The following EEFSEC variants were observed in gnomAD, a reference collection of about 807,000 sequenced individuals.
EEFSEC encodes eukaryotic elongation factor, selenocysteine-tRNA specific.
In EEFSEC, 43 loss-of-function variants were observed where a neutral mutation model predicts 42.1. The ratio of observed to expected loss-of-function variants is 1.02; its 90% CI spans 0.80 to 1.32. The LOEUF is 1.32. Ranked by LOEUF, EEFSEC falls within the 40% of genes most tolerant of loss-of-function variation. The pLI is 0.00. For missense variants in EEFSEC, 745 were observed against 803.6 expected, an observed-to-expected ratio of 0.93 and a Z score of 0.88; for synonymous variants, 354 against 339.1, an observed-to-expected ratio of 1.04 and a Z score of -0.48.
chr3:128,182,396 T>C (rs79243177), intron 1 of EEFSEC, among the ~76,000 whole-genome samples: 1,680 of 152,250 alleles, frequency 0.011, 12 homozygotes, highest in Middle Eastern at 0.051. Context: ...AGGTTATATA[T>C]GTACATGATA....
intron 4 of EEFSEC, among the ~76,000 whole-genome samples, chr3:128,302,869 A>G (rs1576622008): frequency 6.6e-6 from 1 of 152,244 alleles, no homozygotes; most frequent in Non-Finnish European, 1.5e-5. Context: ...AATATTTCTC[A>G]GCATGTATAT....
At chr3:128,190,421 A>T (rs940135872) in intron 1 of EEFSEC, among the ~76,000 whole-genome samples, 2 of 152,356 alleles carry the variant, frequency 1.3e-5, no homozygotes, top group Non-Finnish European at 1.5e-5. Context: ...GTAAAAGAAA[A>T]AAGTTTTTAA....
chr3:128,394,535 A>G (rs982716132), intron 6 of EEFSEC, among the ~76,000 whole-genome samples: 4 of 152,198 alleles, frequency 2.6e-5, no homozygotes, highest in Non-Finnish European at 5.9e-5. Flanking sequence ...ATTGTCAATA[A>G]GCTCTACCTT....
intron 4 of EEFSEC, among the ~76,000 whole-genome samples, chr3:128,270,686 CTT>C (rs986210035): frequency 2.3e-4 from 35 of 152,264 alleles, no homozygotes; most frequent in African/African-American, 7.2e-4. Flanking sequence ...AGCCTGCAGT[CTT>C]GACTCTTCCA....
At chr3:128,277,487 T>C (rs1166862907) in intron 4 of EEFSEC, among the ~76,000 whole-genome samples, 1 of 152,208 alleles carries the variant, frequency 6.6e-6, no homozygotes. Flanking sequence ...TGTGTGCGTG[T>C]TTTAAAAGTA....
At chr3:128,223,992 AC>A (rs200342661) in intron 1 of EEFSEC, among the ~76,000 whole-genome samples, 1 of 148,690 alleles carries the variant, frequency 6.7e-6, no homozygotes, top group Non-Finnish European at 1.5e-5. Context: ...TAAAAAAAAA[AC>A]ATTTTCTATT....
At chr3:128,354,788 G>C (rs1027871558) in intron 5 of EEFSEC, among the ~76,000 whole-genome samples, 16 of 152,186 alleles carry the variant, frequency 1.1e-4, no homozygotes, top group Non-Finnish European at 2.4e-4. Context: ...GGGGGCAGGG[G>C]AGAAGATGCA....
chr3:128,221,017 T>A (rs2065856553), intron 1 of EEFSEC, among the ~76,000 whole-genome samples: 1 of 152,234 alleles, frequency 6.6e-6, no homozygotes, highest in African/African-American at 2.4e-5. Context: ...TCCATCAGTG[T>A]TTTGAGTGCT....
chr3:128,410,711 T>C (rs1426761306), downstream of EEFSEC, among the ~76,000 whole-genome samples: 1 of 152,008 alleles, frequency 6.6e-6, no homozygotes, highest in Non-Finnish European at 1.5e-5. Flanking sequence ...GACCCCACAT[T>C]ACCTGCGGCC....
intron 4 of EEFSEC, among the ~76,000 whole-genome samples, chr3:128,279,772 G>A (rs759330310): frequency 1.3e-5 from 2 of 152,128 alleles, no homozygotes; most frequent in South Asian, 2.1e-4. Context: ...TAAGTGGGAG[G>A]TGTGCAGCCT....
At chr3:128,312,444 C>T (rs2066899656) in intron 4 of EEFSEC, among the ~76,000 whole-genome samples, 1 of 152,378 alleles carries the variant, frequency 6.6e-6, no homozygotes, top group South Asian at 2.1e-4. Flanking sequence ...CGGGATCCCA[C>T]CGCCTTTGTG....
chr3:128,299,399 A>G (rs2066742460), intron 4 of EEFSEC, among the ~76,000 whole-genome samples: 2 of 152,122 alleles, frequency 1.3e-5, no homozygotes, highest in East Asian at 1.9e-4. Flanking sequence ...TCTTTTGCCC[A>G]TTATTCATCA....
chr3:128,291,164 A>G (rs76849912), intron 4 of EEFSEC, among the ~76,000 whole-genome samples: 1,961 of 151,904 alleles, frequency 0.013, 52 homozygotes, highest in African/African-American at 0.044. Context: ...TCCAGGCTAT[A>G]TATTTTATTA....
At chr3:128,396,311 CAGCT>C in intron 6 of EEFSEC, among the ~76,000 whole-genome samples, 1 of 152,172 alleles carries the variant, frequency 6.6e-6, no homozygotes, top group African/African-American at 2.4e-5. Flanking sequence ...TGGGCTTCTC[CAGCT>C]ACTGGCGAGG....
At chr3:128,355,819 GATAAGGTCAAAGGC>G (rs1354249877) in intron 5 of EEFSEC, among the ~76,000 whole-genome samples, 12 of 152,254 alleles carry the variant, frequency 7.9e-5, no homozygotes, top group African/African-American at 2.9e-4. Context: ...CAAGTAAACA[GATAAGGTCAAAGGC>G]ATAACGTCAG....
At chr3:128,367,613 G>A (rs2067605588) in intron 6 of EEFSEC, 2 of 984,680 alleles carry the variant, frequency 2.0e-6, no homozygotes, top group African/African-American at 3.5e-5. Context: ...CCGTGAGACT[G>A]CAACATTGCT....
chr3:128,249,678 A>T (rs540125628), intron 2 of EEFSEC, among the ~76,000 whole-genome samples: 1 of 152,294 alleles, frequency 6.6e-6, no homozygotes, highest in South Asian at 2.1e-4. Context: ...TCAGTGGAAT[A>T]ATATACTATT....
At chr3:128,296,086 G>T (rs1002077555) in intron 4 of EEFSEC, among the ~76,000 whole-genome samples, 1 of 152,156 alleles carries the variant, frequency 6.6e-6, no homozygotes, top group African/African-American at 2.4e-5. Flanking sequence ...AGATTATCCA[G>T]GCCCTGGTAC....
intron 6 of EEFSEC, among the ~76,000 whole-genome samples, chr3:128,377,659 A>G (rs1477626950): frequency 6.6e-6 from 1 of 152,248 alleles, no homozygotes; most frequent in East Asian, 1.9e-4. Context: ...TGCTGGAAGC[A>G]TCTCTGTCTA....
Sources: gnomAD v4.1 joint callset for allele counts (sites outside exome capture counted in the v4.1 genomes callset) on GRCh38, gnomAD v4.1.1 for gene constraint, MANE v1.5 for transcripts, NCBI Gene and HGNC (gene_info 2026-07-23, HGNC 2026-07-21) for gene names.